PTPRO: variants seen among roughly 807,000 people sequenced by gnomAD.
PTPRO encodes receptor-type tyrosine-protein phosphatase O.
In PTPRO, 62 loss-of-function variants were observed where a neutral mutation model predicts 145.2. That is an observed-to-expected ratio of 0.43 (90% CI 0.35 to 0.53). The LOEUF (loss-of-function observed/expected upper bound fraction) is 0.53. Ranked by LOEUF, PTPRO falls within the 20% of genes least tolerant of loss-of-function variation. PTPRO has a pLI of 0.01. For missense variants in PTPRO, 1,345 were observed against 1,482.7 expected (o/e 0.91, Z 1.53); for synonymous variants, 565 against 514.7 (o/e 1.10, Z -1.32).
At chr12:15,586,834 T>C in intron 23 of PTPRO, 63 bp from the exon 24 acceptor site, 1 of 1,592,206 alleles carries the variant, frequency 6.3e-7, no homozygotes, top group Non-Finnish European at 8.6e-7. Context: ...ACTAGCAGAG[T>C]CCTGGGTCAT....
chr12:15,450,835 A>G (rs554394721), intron 1 of PTPRO, among the ~76,000 whole-genome samples: 1 of 152,206 alleles, frequency 6.6e-6, no homozygotes, highest in African/African-American at 2.4e-5. Flanking sequence ...TGCTAAAAGG[A>G]GCTCTAAATC....
intron 19 of PTPRO, among the ~76,000 whole-genome samples, chr12:15,577,633 G>A (rs766915619): frequency 4.6e-5 from 7 of 152,164 alleles, no homozygotes; most frequent in Non-Finnish European, 7.3e-5. Flanking sequence ...TTCTATAAAT[G>A]TAAATAAAAT....
intron 1 of PTPRO, among the ~76,000 whole-genome samples, chr12:15,472,621 G>T (rs11056510): frequency 0.097 from 14,827 of 152,224 alleles, 840 homozygotes; most frequent in East Asian, 0.24. Context: ...ATCTGCAGGA[G>T]CAGAATTGAG....
chr12:15,398,896 G>A (rs1456242843), intron 1 of PTPRO, among the ~76,000 whole-genome samples: 2 of 151,992 alleles, frequency 1.3e-5, no homozygotes, highest in African/African-American at 2.4e-5. Flanking sequence ...TTTAGAGTGC[G>A]GCTCAACACT....
At chr12:15,550,873 G>A (rs1033481856) in intron 14 of PTPRO, among the ~76,000 whole-genome samples, 1 of 152,168 alleles carries the variant, frequency 6.6e-6, no homozygotes, top group Admixed American at 6.5e-5. Context: ...GTATGAAGAA[G>A]TAGACAATGT....
intron 15 of PTPRO, among the ~76,000 whole-genome samples, chr12:15,554,357 T>A (rs1017115619): frequency 3.3e-5 from 5 of 151,898 alleles, no homozygotes; most frequent in African/African-American, 1.2e-4. Flanking sequence ...AAACTAATAG[T>A]ACATAGTAGT....
intron 1 of PTPRO, among the ~76,000 whole-genome samples, chr12:15,452,672 GAGA>G (rs1941076538): frequency 6.6e-6 from 1 of 152,142 alleles, no homozygotes; most frequent in Non-Finnish European, 1.5e-5. Flanking sequence ...TTTCATTCCA[GAGA>G]AGCAGGGATG....
intron 1 of PTPRO, among the ~76,000 whole-genome samples, chr12:15,408,257 A>G (rs977885329): frequency 2.0e-5 from 3 of 151,638 alleles, no homozygotes; most frequent in African/African-American, 4.8e-5. Context: ...AAATTCAGTC[A>G]TTTTTCCTTT....
chr12:15,424,187 T>C (rs1217238212), intron 1 of PTPRO, among the ~76,000 whole-genome samples: 1 of 152,212 alleles, frequency 6.6e-6, no homozygotes, highest in African/African-American at 2.4e-5. Context: ...CTTATTTATT[T>C]ACATAGAGTG....
rs1259445771 is a variant in PTPRO, at chr12:15,597,985, T to C, written c.*1912T>C. Reference sequence around the variant, plus strand: ...GTAAGCTGAAGTACGTTTCCAACACTGCTGCTCAGAGCATACAGAAGTTTT... The same window carrying C: ...GTAAGCTGAAGTACGTTTCCAACACCGCTGCTCAGAGCATACAGAAGTTTT... On this transcript the variant is annotated 3_prime_UTR_variant, in exon 27 of 27. Transcript: ENST00000281171. Among the ~76,000 whole-genome samples, 2 of 152,332 alleles carry C rather than the reference T, an allele frequency of 1.3e-5. No individual in the cohort carries two copies. The highest frequency in any genetic ancestry group is 1.3e-4 in the Admixed American group (2 of 15,308).
intron 19 of PTPRO, among the ~76,000 whole-genome samples, chr12:15,574,357 A>G (rs1944130078): frequency 1.3e-5 from 2 of 152,178 alleles, no homozygotes; most frequent in Non-Finnish European, 2.9e-5. Context: ...ATTTTGAAGA[A>G]CCAGACTTTA....
intron 16 of PTPRO, among the ~76,000 whole-genome samples, chr12:15,558,806 TC>T (rs1943703684): frequency 6.6e-6 from 1 of 152,186 alleles, no homozygotes; most frequent in Non-Finnish European, 1.5e-5. Flanking sequence ...TAGCTGATAC[TC>T]ACTCTAGTTG....
At chr12:15,439,785 T>C (rs957416255) in intron 1 of PTPRO, 1 of 603,586 alleles carries the variant, frequency 1.7e-6, no homozygotes. Context: ...TCCCTGCCCA[T>C]CAAAGAATCA....
intron 1 of PTPRO, among the ~76,000 whole-genome samples, chr12:15,366,364 GA>G (rs948940857): frequency 2.0e-5 from 3 of 148,900 alleles, no homozygotes; most frequent in East Asian, 2.0e-4. Flanking sequence ...GTGAGGGGGG[GA>G]AAATTGTAAT....
Position 15,470,985 on chromosome 12 carries a change from A to T in PTPRO, c.76-12989A>T, listed in dbSNP as rs1042311935. 6.1e-4 allele frequency among the ~76,000 whole-genome samples: 93 copies of T among 152,196 alleles called. 2 individuals carry two copies. Among genetic ancestry groups the T allele is most frequent in the Non-Finnish European group, 1.8e-4 (12 of 68,026 alleles). ...AGTGCATGTACCCTCCAGTCTGCTA[A>T]CATTCCATCATTTGTATCCTCTTAC... On this transcript the variant is annotated intron_variant, in intron 1 of 26. Transcript: ENST00000281171.
intron 11 of PTPRO, 136 bp from the exon 12 acceptor site, chr12:15,526,006 A>G: frequency 2.6e-6 from 3 of 1,136,994 alleles, no homozygotes; most frequent in Non-Finnish European, 3.9e-6. Flanking sequence ...GATATAACGT[A>G]TCTATAATAT....
chr12:15,572,161 G>A (rs752430976), intron 19 of PTPRO, among the ~76,000 whole-genome samples: 1 of 152,072 alleles, frequency 6.6e-6, no homozygotes, highest in Non-Finnish European at 1.5e-5. Context: ...GCTTGGGGGC[G>A]GATGATGTAT....
At chr12:15,535,986 T>G (rs1943057945) in intron 12 of PTPRO, among the ~76,000 whole-genome samples, 2 of 152,204 alleles carry the variant, frequency 1.3e-5, no homozygotes, top group South Asian at 4.1e-4. Context: ...TATAGATACA[T>G]AGAAATCTGT....
chr12:15,497,210 T>C, intron 2 of PTPRO, 35 bp from the exon 3 acceptor site: 1 of 1,522,490 alleles, frequency 6.6e-7, no homozygotes, highest in Non-Finnish European at 9.1e-7. Context: ...CTCTCCTCTT[T>C]CTTTTCCCTT....
Sources: allele counts gnomAD v4.1 joint callset (sites outside exome capture counted in the v4.1 genomes callset), GRCh38; gene constraint gnomAD v4.1.1; transcripts MANE v1.5; gene names NCBI Gene and HGNC (gene_info 2026-07-23, HGNC 2026-07-21).